Variants in ACYP2 observed in about 807,000 individuals in gnomAD.
ACYP2 encodes the protein acylphosphatase-2.
Under a neutral mutation model 11.2 loss-of-function variants are expected in ACYP2, and 12 were observed. That is an observed-to-expected ratio of 1.08 (90% CI 0.69 to 1.74). The LOEUF is 1.74. ACYP2 is among the 40% of genes most tolerant of loss of function. ACYP2 has a pLI of 0.00. For missense variants in ACYP2, 134 were observed against 101.9 expected (o/e 1.31, Z -1.35); for synonymous variants, 43 against 32.2 (o/e 1.33, Z -1.13).
chr2:54,267,419 G>A, intron 6 of ACYP2: 1 of 1,466,508 alleles, frequency 6.8e-7, no homozygotes, highest in Middle Eastern at 1.8e-4. Context: ...AAAGTAAGGG[G>A]TGGGAACAGA....
intron 4 of ACYP2, among the ~76,000 whole-genome samples, chr2:54,097,965 C>CTTTTT (rs527656550): frequency 8.5e-6 from 1 of 117,226 alleles, no homozygotes; most frequent in African/African-American, 3.2e-5. Context: ...TCCTTCCTTC[C>CTTTTT]TTTTTTTTTT....
chr2:54,220,158 A>G (rs843753), intron 6 of ACYP2, among the ~76,000 whole-genome samples: 41,254 of 151,670 alleles, frequency 0.27, 5,758 homozygotes, highest in South Asian at 0.4. Context: ...CTCTAGAAAT[A>G]AAATTTTCTG....
intron 6 of ACYP2, among the ~76,000 whole-genome samples, chr2:54,153,460 G>GGTT (rs1682279036): frequency 7.5e-6 from 1 of 133,092 alleles, no homozygotes; most frequent in Admixed American, 7.5e-5. Context: ...GCTACTTAGG[G>GGTT]TTTTTTTTTT....
chr2:54,237,239 T>C (rs1176296797), intron 6 of ACYP2, among the ~76,000 whole-genome samples: 1 of 152,244 alleles, frequency 6.6e-6, no homozygotes, highest in Non-Finnish European at 1.5e-5. Flanking sequence ...GCCTTCTTTG[T>C]CTGATATAAA....
intron 3 of ACYP2, among the ~76,000 whole-genome samples, chr2:54,056,037 A>C (rs1455568511): frequency 6.6e-6 from 1 of 152,238 alleles, no homozygotes; most frequent in African/African-American, 2.4e-5. Flanking sequence ...TATTTGCACC[A>C]GGCTCCTATG....
At chr2:54,293,324 C>A (rs933702021) in intron 6 of ACYP2, among the ~76,000 whole-genome samples, 2 of 152,144 alleles carry the variant, frequency 1.3e-5, no homozygotes, top group African/African-American at 4.8e-5. Flanking sequence ...AGCTGCGGTG[C>A]GGCAAGGAAG....
chr2:54,159,957 G>A (rs1479980963), intron 6 of ACYP2, among the ~76,000 whole-genome samples: 1 of 152,138 alleles, frequency 6.6e-6, no homozygotes, highest in Non-Finnish European at 1.5e-5. Context: ...CCCACTTGCT[G>A]TGTTGTAGCC....
intron 6 of ACYP2, among the ~76,000 whole-genome samples, chr2:54,248,112 T>G (rs780245193): frequency 6.6e-6 from 1 of 152,244 alleles, no homozygotes; most frequent in African/African-American, 2.4e-5. Context: ...TGTGGGACTA[T>G]AATTGCAAAG....
intron 6 of ACYP2, among the ~76,000 whole-genome samples, chr2:54,272,703 T>G (rs1688362123): frequency 6.6e-6 from 1 of 152,222 alleles, no homozygotes; most frequent in South Asian, 2.1e-4. Flanking sequence ...TTATACAAAT[T>G]CTCACAGAGG....
rs191934560 is a variant in ACYP2, at chr2:54,277,539, G to A, written c.405-27149G>A. Among the ~76,000 whole-genome samples, 325 of 152,196 alleles carry A rather than the reference G, an allele frequency of 2.1e-3. 1 individual carries two copies. The highest frequency in any genetic ancestry group is 7.4e-3 in the African/African-American group (306 of 41,542). ...CTAAAAATACAAAAATTAGCCAGGT[G>A]TGGTGGCATGCGCCTGTAATCCCAG... is the stretch of plus-strand genomic sequence containing the variant. On this transcript the variant is annotated intron_variant, in intron 6 of 6. Coordinates refer to ENST00000607452, the MANE Select transcript of ACYP2 (RefSeq NM_001320586.2).
At chr2:54,265,571 G>T (rs989725072) in intron 6 of ACYP2, among the ~76,000 whole-genome samples, 12 of 152,166 alleles carry the variant, frequency 7.9e-5, no homozygotes, top group Admixed American at 4.6e-4. Flanking sequence ...AAGAATGCAG[G>T]GTGTGGCCTA....
chr2:53,990,501 T>G (rs553305030), intron 2 of ACYP2, among the ~76,000 whole-genome samples: 8 of 151,300 alleles, frequency 5.3e-5, no homozygotes, highest in Middle Eastern at 3.4e-3. Flanking sequence ...ATACAAAAAT[T>G]AGCTGGGCGT....
At chr2:54,202,143 G>C (rs1319534525) in intron 6 of ACYP2, among the ~76,000 whole-genome samples, 2 of 152,140 alleles carry the variant, frequency 1.3e-5, no homozygotes, top group Non-Finnish European at 2.9e-5. Context: ...AGTTGTTCCA[G>C]TCACCCAGGC....
In ACYP2 at chr2:54,256,145, G is replaced by A. The variant is rs530616832; in HGVS notation, c.405-48543G>A. 2.1e-5 allele frequency: 34 copies of A among 1,611,152 alleles called. No homozygotes were observed. The South Asian group carries it at 3.6e-4, about 17-fold the overall frequency. ...GCGGGGCTGTGAGGACTCTCCGGGA[G>A]GCTCATGTTGGTAGCGGCCAGGGCA... On this transcript the variant is annotated intron_variant, in intron 6 of 6. Coordinates refer to ENST00000607452, the MANE Select transcript of ACYP2 (RefSeq NM_001320586.2).
intron 3 of ACYP2, among the ~76,000 whole-genome samples, chr2:54,055,373 T>G (rs1010671631): frequency 1.3e-5 from 2 of 152,152 alleles, no homozygotes; most frequent in Admixed American, 1.3e-4. Flanking sequence ...AAATCATGTG[T>G]CAGGAATAAT....
intron 6 of ACYP2, among the ~76,000 whole-genome samples, chr2:54,164,851 C>T (rs1459249869): frequency 3.3e-5 from 5 of 152,164 alleles, no homozygotes; most frequent in Non-Finnish European, 5.9e-5. Context: ...CTAATGCTCT[C>T]CCTCCTCTTG....
At chr2:53,976,299 C>G (rs1313642331) in intron 2 of ACYP2, among the ~76,000 whole-genome samples, 1 of 152,176 alleles carries the variant, frequency 6.6e-6, no homozygotes, top group African/African-American at 2.4e-5. Flanking sequence ...CCTCCACCTC[C>G]TGGGCTCAAG....
chr2:54,255,598 C>T lies in ACYP2; in HGVS notation c.405-49090C>T, dbSNP rs548021910. On this transcript the variant is annotated intron_variant, in intron 6 of 6. Coordinates refer to ENST00000607452, the MANE Select transcript of ACYP2 (RefSeq NM_001320586.2). ...GGGCCCGGGCCCAGGCCCTGCCTCC[C>T]TGTTTACCTCATCTATTGCTCTGTT... 35 of 1,613,582 alleles carry T rather than the reference C, an allele frequency of 2.2e-5. No individual in the cohort carries two copies. The highest frequency in any genetic ancestry group is 1.6e-4 in the East Asian group (7 of 44,812).
intron 4 of ACYP2, among the ~76,000 whole-genome samples, chr2:54,107,780 A>T (rs535637952): frequency 1.3e-5 from 2 of 152,342 alleles, no homozygotes; most frequent in East Asian, 1.9e-4. Context: ...TCCCCTGGAA[A>T]TTCAAATGTT....
Sources: allele counts gnomAD v4.1 joint callset (sites outside exome capture counted in the v4.1 genomes callset), GRCh38; gene constraint gnomAD v4.1.1; transcripts MANE v1.5; gene names NCBI Gene and HGNC (gene_info 2026-07-23, HGNC 2026-07-21).